Variants in LEPR observed in about 807,000 individuals in gnomAD.
LEPR encodes the protein leptin receptor.
Under a neutral mutation model 114.7 loss-of-function variants are expected in LEPR, and 56 were observed. The ratio of observed to expected loss-of-function variants is 0.49; its 90% CI spans 0.39 to 0.61. The LOEUF (loss-of-function observed/expected upper bound fraction) is 0.61. Ranked by LOEUF, LEPR falls within the 20% of genes least tolerant of loss-of-function variation. The pLI is 0.00. For missense variants in LEPR, 1,202 were observed against 1,352.9 expected (o/e 0.89, Z 1.75); for synonymous variants, 443 against 461.4 (o/e 0.96, Z 0.51).
chr1:65,598,891 G>T, intron 8 of LEPR, 87 bp downstream of exon 8: 1 of 1,585,360 alleles, frequency 6.3e-7, no homozygotes. Flanking sequence ...TACATTTTGA[G>T]GCCTTAAAAT....
chr1:65,503,157 G>A (rs1648544494), intron 2 of LEPR, among the ~76,000 whole-genome samples: 1 of 152,074 alleles, frequency 6.6e-6, no homozygotes, highest in Non-Finnish European at 1.5e-5. Context: ...TGGGGAGAGA[G>A]GAAGGTTGAA....
At chr1:65,458,823 T>C (rs1474250604) in intron 2 of LEPR, among the ~76,000 whole-genome samples, 1 of 152,216 alleles carries the variant, frequency 6.6e-6, no homozygotes, top group Non-Finnish European at 1.5e-5. Context: ...ATTATACCTT[T>C]ATTATCCTTC....
intron 6 of LEPR, 30 bp downstream of exon 6, chr1:65,592,895 G>C: frequency 6.2e-7 from 1 of 1,607,638 alleles, no homozygotes; most frequent in South Asian, 1.1e-5. Context: ...GATGATAATA[G>C]GTCTAAACAT....
At chr1:65,608,351 C>T (rs1656954150) in intron 11 of LEPR, among the ~76,000 whole-genome samples, 1 of 152,008 alleles carries the variant, frequency 6.6e-6, no homozygotes, top group African/African-American at 2.4e-5. Flanking sequence ...CTGCCTCAGC[C>T]TCCTGAGTAG....
intron 2 of LEPR, among the ~76,000 whole-genome samples, chr1:65,495,503 T>C (rs138606170): frequency 2.1e-3 from 324 of 152,188 alleles, no homozygotes; most frequent in African/African-American, 7.6e-3. Flanking sequence ...TGTCCTAAAA[T>C]ATTAAAACTG....
At chr1:65,630,696 TTG>T (rs71058415) in intron 19 of LEPR, among the ~76,000 whole-genome samples, 36 of 149,426 alleles carry the variant, frequency 2.4e-4, no homozygotes, top group Non-Finnish European at 2.7e-4. Flanking sequence ...TTTCTTTGTT[TTG>T]TGTGTGTGTG....
At chr1:65,521,382 A>G (rs1435305795) in intron 2 of LEPR, among the ~76,000 whole-genome samples, 2 of 152,206 alleles carry the variant, frequency 1.3e-5, no homozygotes, top group African/African-American at 2.4e-5. Context: ...CAGGCCCACC[A>G]TGATTATCTA....
At chr1:65,539,379 A>G (rs986804799) in intron 2 of LEPR, among the ~76,000 whole-genome samples, 5 of 152,054 alleles carry the variant, frequency 3.3e-5, no homozygotes, top group African/African-American at 4.8e-5. Context: ...TCCATTCAGC[A>G]TGGCTGTTAA....
At position 65,421,218 on chromosome 1, in the gene LEPR, G is replaced by C; in HGVS notation, c.-97+478G>C. On this transcript the variant is annotated intron_variant, in intron 1 of 19. Coordinates refer to ENST00000349533, the MANE Select transcript of LEPR (RefSeq NM_002303.6). Reference sequence around the variant, plus strand: ...CAACTGGGCAGAGTTGACCGCGGGCGGGTGTCAATGGAAAGCACCCAGAAA... The same window carrying C: ...CAACTGGGCAGAGTTGACCGCGGGCCGGTGTCAATGGAAAGCACCCAGAAA... The C allele has an allele frequency of 6.1e-6, 7 of 1,152,542 alleles. No homozygotes were observed. In the South Asian group the frequency reaches 1.1e-4, roughly 17 times the overall value. The allele number at this position is 1,152,542 out of a possible 1,614,324, so 71.4% of individuals were successfully genotyped here. A position where few individuals can be genotyped will look rare whatever the true frequency, so the allele number is the denominator to read the frequency against.
At chr1:65,616,871 C>A (rs967170278) in intron 15 of LEPR, among the ~76,000 whole-genome samples, 1 of 152,102 alleles carries the variant, frequency 6.6e-6, no homozygotes, top group African/African-American at 2.4e-5. Context: ...TCTATAAAGG[C>A]CTTTCCAACT....
chr1:65,571,391 T>C (rs1654143008), intron 4 of LEPR, among the ~76,000 whole-genome samples: 1 of 152,116 alleles, frequency 6.6e-6, no homozygotes. Context: ...TTTTTTTGTT[T>C]AAGTATAATG....
intron 5 of LEPR, among the ~76,000 whole-genome samples, chr1:65,586,602 G>A (rs945007420): frequency 7.3e-5 from 11 of 151,658 alleles, no homozygotes; most frequent in African/African-American, 1.9e-4. Flanking sequence ...TGAATTTCAT[G>A]TATCATGAAA....
At chr1:65,519,277 G>C (rs1649512227) in intron 2 of LEPR, among the ~76,000 whole-genome samples, 1 of 151,754 alleles carries the variant, frequency 6.6e-6, no homozygotes, top group Non-Finnish European at 1.5e-5. Context: ...AGTCTCCCAA[G>C]TAGCTGGGAC....
At chr1:65,600,378 A>T (rs35755072) in intron 8 of LEPR, among the ~76,000 whole-genome samples, 1,852 of 152,272 alleles carry the variant, frequency 0.012, 19 homozygotes, top group Non-Finnish European at 0.019. Flanking sequence ...GGACATACAA[A>T]ACACAAATGT....
At chr1:65,440,216 AT>A (rs1463027138) in intron 2 of LEPR, among the ~76,000 whole-genome samples, 1 of 151,980 alleles carries the variant, frequency 6.6e-6, no homozygotes, top group Non-Finnish European at 1.5e-5. Context: ...ATTCTTTTTA[AT>A]TTTAGGTCTA....
chr1:65,607,779 A>G (rs904131480), intron 11 of LEPR, among the ~76,000 whole-genome samples: 4 of 152,188 alleles, frequency 2.6e-5, no homozygotes, highest in Non-Finnish European at 5.9e-5. Context: ...TTAAAAATTA[A>G]GAACTTGGGG....
intron 2 of LEPR, among the ~76,000 whole-genome samples, chr1:65,446,549 G>T (rs1247145282): frequency 6.6e-6 from 1 of 152,064 alleles, no homozygotes; most frequent in South Asian, 2.1e-4. Context: ...ATCTTTTAAT[G>T]TACTTATTTA....
intron 15 of LEPR, 46 bp from the exon 16 acceptor site, chr1:65,617,918 T>C (rs1299362556): frequency 6.5e-6 from 10 of 1,544,802 alleles, no homozygotes; most frequent in Non-Finnish European, 4.4e-6. Flanking sequence ...TAGTAGATTT[T>C]TATTAATTTT....
chr1:65,565,648 G>A (rs778194414), intron 3 of LEPR, 43 bp downstream of exon 3: 3 of 1,610,282 alleles, frequency 1.9e-6, no homozygotes, highest in African/African-American at 2.7e-5. Context: ...CCTTAAACAT[G>A]GTAGAGATTT....
Sources: gnomAD v4.1 joint callset for allele counts (sites outside exome capture counted in the v4.1 genomes callset) on GRCh38, gnomAD v4.1.1 for gene constraint, MANE v1.5 for transcripts, NCBI Gene and HGNC (gene_info 2026-07-23, HGNC 2026-07-21) for gene names.